CRISPLD1: variants seen among roughly 807,000 people sequenced by gnomAD.
The protein encoded by CRISPLD1 is cysteine rich secretory protein LCCL domain containing 1.
In CRISPLD1, 60 loss-of-function variants were observed where a neutral mutation model predicts 77.5. The ratio of observed to expected loss-of-function variants is 0.77; its 90% CI spans 0.63 to 0.96. CRISPLD1 has a LOEUF of 0.96. Among genes scored for constraint, CRISPLD1 ranks in the 40% least tolerant of loss-of-function variants. CRISPLD1 has a pLI of 0.00. For missense variants in CRISPLD1, 623 were observed against 615.8 expected (o/e 1.01, Z -0.12); for synonymous variants, 195 against 200.1 (o/e 0.97, Z 0.22).
rs1350921944 is a variant in CRISPLD1 at position 75,033,980 on chromosome 8, C to T, written c.*1738C>T. ...TCCTCCCACAACAGGGAAGCCCGAT[C>T]AGTTCTGTCAGTATAAGGTTTTCTT... On this transcript the variant is annotated 3_prime_UTR_variant, in exon 15 of 15. Coordinates refer to ENST00000262207, the MANE Select transcript of CRISPLD1 (RefSeq NM_031461.6). 1 of 152,038 alleles carries T rather than the reference C, an allele frequency of 6.6e-6. No homozygotes were observed. Among genetic ancestry groups the T allele is most frequent in the Non-Finnish European group, 1.5e-5 (1 of 67,952 alleles). The allele number at this position is 152,038 out of a possible 1,614,324, so 9.4% of individuals were successfully genotyped here.
chr8:74,995,059 C>T (rs184532269), intron 2 of CRISPLD1, among the ~76,000 whole-genome samples: 1 of 152,174 alleles, frequency 6.6e-6, no homozygotes, highest in East Asian at 1.9e-4. Flanking sequence ...GGACCCACCA[C>T]CATTTAAGTG....
At chr8:74,995,417 C>G (rs1402232416) in intron 2 of CRISPLD1, among the ~76,000 whole-genome samples, 1 of 152,178 alleles carries the variant, frequency 6.6e-6, no homozygotes, top group Non-Finnish European at 1.5e-5. Flanking sequence ...AGAATGGGAT[C>G]AGAAAAATTA....
chr8:75,019,410 A>C (rs1813093890), intron 10 of CRISPLD1, among the ~76,000 whole-genome samples: 1 of 152,100 alleles, frequency 6.6e-6, no homozygotes, highest in African/African-American at 2.4e-5. Flanking sequence ...TTACTGTATA[A>C]TTTTGCTAGA....
chr8:75,015,651 T>C (rs902747859), intron 6 of CRISPLD1, among the ~76,000 whole-genome samples: 1 of 152,144 alleles, frequency 6.6e-6, no homozygotes, highest in Non-Finnish European at 1.5e-5. Context: ...ATTGCAGCCC[T>C]TTTTTAGTGC....
intron 14 of CRISPLD1, 45 bp downstream of exon 14, chr8:75,029,562 C>G: frequency 6.4e-7 from 1 of 1,569,712 alleles, no homozygotes; most frequent in Admixed American, 1.7e-5. Context: ...TACCATCTAT[C>G]ACTGTATTCA....
intron 12 of CRISPLD1, among the ~76,000 whole-genome samples, 196 bp downstream of exon 12, chr8:75,020,275 C>G (rs988583401): frequency 1.4e-4 from 22 of 152,232 alleles, no homozygotes; most frequent in African/African-American, 5.3e-4. Flanking sequence ...TCTGCTATTT[C>G]ATAATGTCAG....
chr8:75,018,737 CGTGCCACCAT>C (rs1563400854), intron 10 of CRISPLD1, among the ~76,000 whole-genome samples: 1 of 151,908 alleles, frequency 6.6e-6, no homozygotes, highest in African/African-American at 2.4e-5. Flanking sequence ...ACTACAGGCA[CGTGCCACCAT>C]GTCCAACTAA....
intron 2 of CRISPLD1, among the ~76,000 whole-genome samples, chr8:74,992,929 T>C (rs1812595551): frequency 6.9e-6 from 1 of 144,080 alleles, no homozygotes; most frequent in Admixed American, 6.9e-5. Flanking sequence ...TTTTTTTTCC[T>C]TCTGTGCTTC....
Position 75,012,862 on chromosome 8 carries a change from C to T in CRISPLD1, c.378-28C>T, listed in dbSNP as rs776610689. 9.4e-6 allele frequency: 15 copies of T among 1,587,602 alleles called. No homozygotes were observed. The South Asian group carries it at 1.4e-4, about 14-fold the overall frequency. ...TTTGTATTTTCTCCAACTTTGCTTG[C>T]CCTCTGTGACTATTTTCTTTCTAAT... is the stretch of plus-strand genomic sequence containing the variant. On this transcript the variant is annotated intron_variant, in intron 3 of 14. Transcript: ENST00000262207.
intron 10 of CRISPLD1, among the ~76,000 whole-genome samples, chr8:75,017,834 TGATAA>T (rs1813062138): frequency 6.6e-6 from 1 of 152,188 alleles, no homozygotes. Flanking sequence ...GTAACTTTGT[TGATAA>T]GATAAATTAC....
At chr8:75,010,376 T>C (rs1812908446) in intron 2 of CRISPLD1, among the ~76,000 whole-genome samples, 1 of 152,140 alleles carries the variant, frequency 6.6e-6, no homozygotes, top group African/African-American at 2.4e-5. Context: ...TTAGATTCCC[T>C]GTATCCTTTA....
intron 2 of CRISPLD1, among the ~76,000 whole-genome samples, chr8:75,010,928 G>T (rs1812917752): frequency 6.6e-6 from 1 of 151,822 alleles, no homozygotes; most frequent in African/African-American, 2.4e-5. Flanking sequence ...CTTGGCATAT[G>T]TGCCCTCATA....
intron 10 of CRISPLD1, among the ~76,000 whole-genome samples, chr8:75,019,329 G>A (rs150107583): frequency 4.6e-5 from 7 of 152,214 alleles, no homozygotes; most frequent in East Asian, 1.9e-4. Flanking sequence ...AAATTTTGAT[G>A]TATAATTATG....
Position 74,984,806 on chromosome 8 carries a change from A to T in CRISPLD1, c.-177A>T, listed in dbSNP as rs1587000987. 2.0e-5 allele frequency: 3 copies of T among 152,370 alleles called. No homozygotes were observed. In the South Asian group the frequency reaches 6.2e-4, roughly 32 times the overall value. 9.4% of individuals were successfully genotyped at this position (152,370 alleles called of 1,614,324 possible). A position where few individuals can be genotyped will look rare whatever the true frequency, so the allele number is the denominator to read the frequency against. ...CGTCGCCCCCGGACGCTCGGTGCTC[A>T]GGCCCTTCGCGAGCGGGGCTCTCCG... is the stretch of plus-strand genomic sequence containing the variant. On this transcript the variant is annotated 5_prime_UTR_variant, in exon 1 of 15. Transcript: ENST00000262207.
chr8:75,005,023 C>T (rs1423852572), intron 2 of CRISPLD1, among the ~76,000 whole-genome samples: 2 of 152,000 alleles, frequency 1.3e-5, no homozygotes, highest in Non-Finnish European at 2.9e-5. Context: ...AAAAATACTT[C>T]GAAGAAATTG....
intron 14 of CRISPLD1, among the ~76,000 whole-genome samples, 193 bp from the exon 15 acceptor site, chr8:75,031,998 G>A (rs1219944460): frequency 1.3e-5 from 2 of 151,898 alleles, no homozygotes; most frequent in Non-Finnish European, 2.9e-5. Flanking sequence ...GCCCAGCATA[G>A]AACCAAGAGT....
chr8:75,002,352 A>G (rs7009982), intron 2 of CRISPLD1, among the ~76,000 whole-genome samples: 62,192 of 146,726 alleles, frequency 0.42, 15,901 homozygotes, highest in African/African-American at 0.74. Context: ...GAAGAAGAGA[A>G]AATTCATTAA....
At position 75,025,628 on chromosome 8, in the gene CRISPLD1, A is replaced by T. The variant is rs959202735; in HGVS notation, c.1320+7A>T. On this transcript the variant is annotated splice_region_variant and intron_variant, in intron 13 of 14. Transcript: ENST00000262207. ...AACTCGAGTTTATTCTGATGTAAGT[A>T]TCCTAATTTATACAGCTGTCAACAT... 6.9e-7 allele frequency: 1 copy of T among 1,454,152 alleles called. No individual in the cohort carries two copies. The highest frequency in any genetic ancestry group is 9.6e-7 in the Non-Finnish European group (1 of 1,038,090). The allele number at this position is 1,454,152 out of a possible 1,614,324, so 90.1% of individuals were successfully genotyped here.
intron 2 of CRISPLD1, among the ~76,000 whole-genome samples, chr8:74,996,405 A>G (rs975872767): frequency 1.3e-5 from 2 of 152,164 alleles, no homozygotes; most frequent in Non-Finnish European, 1.5e-5. Flanking sequence ...TGAGGAATGC[A>G]TTAGTGTATA....
Sources: gnomAD v4.1 joint callset for allele counts (sites outside exome capture counted in the v4.1 genomes callset) on GRCh38, gnomAD v4.1.1 for gene constraint, MANE v1.5 for transcripts, NCBI Gene and HGNC (gene_info 2026-07-23, HGNC 2026-07-21) for gene names.